CNTN1: variants seen among roughly 807,000 people sequenced by gnomAD.
The protein encoded by CNTN1 is contactin-1.
CNTN1 carries 38 observed loss-of-function variants against 126.4 expected under a neutral mutation model. The observed-to-expected ratio is 0.30, with a 90% CI of 0.23 to 0.39. The LOEUF is 0.39. CNTN1 is among the 10% of genes least tolerant of loss of function. The pLI, the probability that CNTN1 is intolerant of heterozygous loss-of-function variation, is 1.00. For synonymous variants in CNTN1, 413 were observed against 422.6 expected (o/e 0.98, Z 0.28); for missense variants, 1,009 against 1,248.4 (o/e 0.81, Z 2.89).
At chr12:40,809,850 A>AC (rs60077116) in intron 1 of CNTN1, among the ~76,000 whole-genome samples, 128 of 139,848 alleles carry the variant, frequency 9.2e-4, no homozygotes, top group Non-Finnish European at 1.1e-3. Context: ...ACACACACAC[A>AC]AAAGTCAAAA....
Position 40,933,708 on chromosome 12 carries a change from A to T in CNTN1, c.815A>T (p.Asp272Val). 1 of 1,612,780 alleles carries T rather than the reference A, an allele frequency of 6.2e-7. No homozygotes were observed. Among genetic ancestry groups the T allele is most frequent in the Non-Finnish European group, 8.5e-7 (1 of 1,179,062 alleles). ...ECFALGNPVP[D>V]IRWRKVLEPM... is the part of the protein sequence containing the mutation. The stretch of plus-strand genomic sequence containing the variant: ...TCTTCTATTTAAAGTCCTGTTCCGG[A>T]TATCCGATGGCGGAAGGTTCTAGAA... Residue 272 changes from aspartate (D) to valine (V), a missense_variant, in exon 9 of 24, where the codon GAT becomes GTT. Transcript: ENST00000551295.
intron 23 of CNTN1, among the ~76,000 whole-genome samples, chr12:41,037,332 C>G (rs548917402): frequency 4.7e-4 from 71 of 152,132 alleles, no homozygotes; most frequent in African/African-American, 1.6e-3. Flanking sequence ...AGATGGTGGT[C>G]CCATAAGATT....
intron 9 of CNTN1, among the ~76,000 whole-genome samples, chr12:40,936,145 T>C (rs1027753871): frequency 6.6e-6 from 1 of 152,124 alleles, no homozygotes; most frequent in Non-Finnish European, 1.5e-5. Flanking sequence ...ATTTTCTCAT[T>C]TTTATGGATG....
chr12:40,952,959 C>T (rs1245602411), intron 14 of CNTN1, among the ~76,000 whole-genome samples: 1 of 152,086 alleles, frequency 6.6e-6, no homozygotes, highest in African/African-American at 2.4e-5. Context: ...TTGAATGGAA[C>T]AAATTATTTA....
chr12:41,065,592 G>A (rs1372670947), intron 23 of CNTN1, among the ~76,000 whole-genome samples: 1 of 152,210 alleles, frequency 6.6e-6, no homozygotes, highest in East Asian at 1.9e-4. Context: ...CTGGCAGTCA[G>A]ATCTGGATTA....
rs76635235 is a variant in CNTN1 at position 40,977,984 on chromosome 12, G to A, written c.1805-2925G>A. ...ATGCCAGCTGATTTTTGTATTTTTC[G>A]TAGAGATCCGGTTTCACTATGTTGG... On this transcript the variant is annotated intron_variant, in intron 15 of 23. Coordinates refer to ENST00000551295, the MANE Select transcript of CNTN1 (RefSeq NM_001843.4). 3.5e-3 allele frequency among the ~76,000 whole-genome samples: 525 copies of A among 151,944 alleles called. 1 individual carries two copies. The highest frequency in any genetic ancestry group is 0.012 in the African/African-American group (501 of 41,450).
chr12:40,999,789 G>A (rs2120582446), intron 17 of CNTN1, among the ~76,000 whole-genome samples: 1 of 139,518 alleles, frequency 7.2e-6, no homozygotes, highest in South Asian at 2.2e-4. Flanking sequence ...AGCAAGCTCT[G>A]CCTCCCAGGT....
chr12:40,772,753 G>T (rs1042455313), intron 1 of CNTN1, among the ~76,000 whole-genome samples: 1 of 151,890 alleles, frequency 6.6e-6, no homozygotes, highest in Non-Finnish European at 1.5e-5. Flanking sequence ...GAATCAATGC[G>T]CCAGATAAAC....
chr12:41,020,469 C>A lies in CNTN1; in HGVS notation c.2523+29C>A, dbSNP rs762529286. The A allele has an allele frequency of 5.2e-6, 7 of 1,338,686 alleles. No individual in the cohort carries two copies. The Admixed American group carries it at 1.0e-4, about 19-fold the overall frequency. 82.9% of individuals were successfully genotyped at this position (1,338,686 alleles called of 1,614,324 possible). ...CGTTAAATTTTTATCAAACTAAATA[C>A]ATTTATTCATAAATATATAAGCATA... is the stretch of plus-strand genomic sequence containing the variant. On this transcript the variant is annotated intron_variant, in intron 20 of 23. Coordinates refer to ENST00000551295, the MANE Select transcript of CNTN1 (RefSeq NM_001843.4).
At chr12:40,857,752 A>G (rs73273583) in intron 1 of CNTN1, among the ~76,000 whole-genome samples, 8,774 of 152,202 alleles carry the variant, frequency 0.058, 454 homozygotes, top group African/African-American at 0.14. Context: ...CAGGTACAAA[A>G]AGCTGAGCTC....
At chr12:40,971,946 T>C in intron 15 of CNTN1, 2 of 1,019,200 alleles carry the variant, frequency 2.0e-6, no homozygotes, top group Non-Finnish European at 2.3e-6. Flanking sequence ...TAATGAGACA[T>C]CATAATTAGG....
intron 5 of CNTN1, 75 bp downstream of exon 5, chr12:40,922,503 A>T: frequency 7.2e-7 from 1 of 1,384,890 alleles, no homozygotes; most frequent in Middle Eastern, 1.8e-4. Context: ...TCAGGAAAGG[A>T]TAGTGAGAGG....
At chr12:40,930,061 A>G in intron 7 of CNTN1, 59 bp downstream of exon 7, 1 of 1,273,398 alleles carries the variant, frequency 7.9e-7, no homozygotes, top group Non-Finnish European at 1.1e-6. Flanking sequence ...TGGTATACTT[A>G]CCGTAATGAA....
intron 3 of CNTN1, among the ~76,000 whole-genome samples, chr12:40,917,653 G>C (rs1329346810): frequency 6.6e-6 from 1 of 152,118 alleles, no homozygotes; most frequent in African/African-American, 2.4e-5. Context: ...CCAGTGACCT[G>C]TAAGAATATT....
intron 1 of CNTN1, among the ~76,000 whole-genome samples, chr12:40,755,697 G>A (rs1479610644): frequency 1.3e-5 from 2 of 151,970 alleles, no homozygotes; most frequent in Non-Finnish European, 2.9e-5. Context: ...GTGACAGAGC[G>A]AGACCCTGTC....
intron 18 of CNTN1, among the ~76,000 whole-genome samples, chr12:41,016,389 G>C (rs1948781343): frequency 6.6e-6 from 1 of 152,074 alleles, no homozygotes; most frequent in South Asian, 2.1e-4. Flanking sequence ...TGAGGGGGTG[G>C]GAGGAGTCAC....
intron 14 of CNTN1, among the ~76,000 whole-genome samples, chr12:40,957,479 C>T (rs952758696): frequency 2.0e-5 from 3 of 149,830 alleles, no homozygotes; most frequent in Non-Finnish European, 4.4e-5. Flanking sequence ...CCAGTTCCAG[C>T]TCCTTCAGTT....
At chr12:41,014,944 C>A (rs1017151918) in intron 18 of CNTN1, among the ~76,000 whole-genome samples, 1 of 152,090 alleles carries the variant, frequency 6.6e-6, no homozygotes, top group Non-Finnish European at 1.5e-5. Flanking sequence ...TGGCATTTAT[C>A]CAGATAACAT....
chr12:40,711,288 T>G (rs1388800254), intron 1 of CNTN1, among the ~76,000 whole-genome samples: 2 of 152,216 alleles, frequency 1.3e-5, no homozygotes, highest in Non-Finnish European at 2.9e-5. Flanking sequence ...TTTCTAGCTA[T>G]GTTTTTCTTT....
Sources: gnomAD v4.1 joint callset for allele counts (sites outside exome capture counted in the v4.1 genomes callset) on GRCh38, gnomAD v4.1.1 for gene constraint, MANE v1.5 for transcripts, NCBI Gene and HGNC (gene_info 2026-07-23, HGNC 2026-07-21) for gene names.